DNMBP: variants seen among roughly 807,000 people sequenced by gnomAD.
The protein encoded by DNMBP is dynamin-binding protein.
A neutral mutation model predicts 150.0 loss-of-function variants in DNMBP; 87 were observed. That is an observed-to-expected ratio of 0.58 (90% CI 0.49 to 0.69). DNMBP has a LOEUF of 0.69. Among genes scored for constraint, DNMBP ranks in the 30% least tolerant of loss-of-function variants. The pLI is 0.00. For missense variants in DNMBP, 1,774 were observed against 1,949.0 expected (o/e 0.91, Z 1.69); for synonymous variants, 711 against 750.4 (o/e 0.95, Z 0.86).
intron 4 of DNMBP, among the ~76,000 whole-genome samples, chr10:99,941,177 A>AC (rs1466952044): frequency 6.6e-5 from 10 of 150,914 alleles, no homozygotes; most frequent in Non-Finnish European, 5.9e-5. Context: ...GAGCCACCGC[A>AC]CCTGGCGTCA....
Position 99,956,871 on chromosome 10 carries a change from C to G in DNMBP, c.603G>C (p.Leu201=). The G allele has an allele frequency of 6.2e-7, 1 of 1,614,210 alleles. No homozygotes were observed. The highest frequency in any genetic ancestry group is 8.5e-7 in the Non-Finnish European group (1 of 1,180,040). ...RGIFPEGFVE[L]LGPLRTVDES... ...CATCCACAGTCCTCAGGGGCCCCAACAGCTCTACAAAACCTTCTGGAAAAA... is the reference window on the plus strand; with the variant it reads ...CATCCACAGTCCTCAGGGGCCCCAAGAGCTCTACAAAACCTTCTGGAAAAA... The change falls in exon 4 of 17, where the codon CTG becomes CTC. Residue 201 remains leucine (L), a synonymous_variant. Coordinates refer to ENST00000324109, the MANE Select transcript of DNMBP (RefSeq NM_015221.4).
At chr10:99,951,533 C>T (rs544957006) in intron 4 of DNMBP, among the ~76,000 whole-genome samples, 39 of 152,310 alleles carry the variant, frequency 2.6e-4, no homozygotes, top group Non-Finnish European at 4.0e-4. Flanking sequence ...GGGGCAGAGC[C>T]GCCCAACACC....
chr10:99,970,018 A>G (rs762910256), intron 2 of DNMBP, among the ~76,000 whole-genome samples: 10 of 152,210 alleles, frequency 6.6e-5, no homozygotes, highest in Non-Finnish European at 1.2e-4. Flanking sequence ...CCCATGATCC[A>G]GCTTTTGCTC....
chr10:99,926,311 G>A (rs2040077832), intron 4 of DNMBP, among the ~76,000 whole-genome samples: 1 of 152,022 alleles, frequency 6.6e-6, no homozygotes, highest in African/African-American at 2.4e-5. Flanking sequence ...TAGAGATGTG[G>A]TCTCACTCTG....
chr10:99,902,703 G>A (rs1439923979), intron 6 of DNMBP, among the ~76,000 whole-genome samples: 5 of 151,360 alleles, frequency 3.3e-5, no homozygotes, highest in African/African-American at 7.3e-5. Flanking sequence ...CAAGGTGGGC[G>A]GATCCCCTGA....
intron 1 of DNMBP, among the ~76,000 whole-genome samples, chr10:99,997,888 A>G (rs890125741): frequency 1.5e-5 from 2 of 132,590 alleles, no homozygotes; most frequent in Admixed American, 1.7e-4. Flanking sequence ...AGATCACGCC[A>G]CTGCACTCTA....
chr10:99,877,428 T>G (rs956514485), intron 16 of DNMBP, 92 bp from the exon 17 acceptor site: 58 of 965,828 alleles, frequency 6.0e-5, no homozygotes, highest in Admixed American at 2.8e-4. Context: ...CACATCCACA[T>G]GCCCACATGT....
At chr10:99,967,533 CAAAT>C (rs1839627962) in intron 3 of DNMBP, among the ~76,000 whole-genome samples, 3 of 152,058 alleles carry the variant, frequency 2.0e-5, no homozygotes, top group South Asian at 2.1e-4. Flanking sequence ...AAAAAACAAA[CAAAT>C]AAATAAATAA....
intron 1 of DNMBP, among the ~76,000 whole-genome samples, chr10:99,983,967 G>A (rs547650409): frequency 1.3e-5 from 2 of 152,170 alleles, no homozygotes; most frequent in East Asian, 1.9e-4. Context: ...TAAACCACCC[G>A]AACACTTCTA....
In DNMBP at chr10:99,956,484, G is replaced by A. The variant is rs1316271492; in HGVS notation, c.990C>T (p.Asn330=). 1 of 1,613,980 alleles carries A rather than the reference G, an allele frequency of 6.2e-7. No individual in the cohort carries two copies. The highest frequency in any genetic ancestry group is 2.2e-5 in the East Asian group (1 of 44,890). Reference sequence around the variant, plus strand: ...GTCTTTGTTCCTCTACTCCTAAGGTGTTCTCCAAACAATCCAAAGAAGTTT... The same window carrying A: ...GTCTTTGTTCCTCTACTCCTAAGGTATTCTCCAAACAATCCAAAGAAGTTT... ...IPETSLDCLE[N]TLGVEEQRHE... Residue 330 remains asparagine (N), a synonymous_variant, in exon 4 of 17, where the codon AAC becomes AAT. Transcript: ENST00000324109.
intron 3 of DNMBP, among the ~76,000 whole-genome samples, chr10:99,964,104 C>T (rs1193257949): frequency 6.7e-6 from 1 of 150,260 alleles, no homozygotes; most frequent in Non-Finnish European, 1.5e-5. Flanking sequence ...TGTTTCTCTC[C>T]TCTCTGTCTT....
intron 4 of DNMBP, among the ~76,000 whole-genome samples, chr10:99,935,108 A>G (rs2040213218): frequency 6.6e-6 from 1 of 151,052 alleles, no homozygotes; most frequent in Non-Finnish European, 1.5e-5. Flanking sequence ...AAAAAAAAAA[A>G]AAAAAGAAAA....
rs774442127 is a variant in DNMBP at position 99,955,306 on chromosome 10, T to C, written c.2168A>G (p.Gln723Arg). ...GGTCTCTGCTCTTGATGATTCATCC[T>C]GCTTCTCCTCCAGCATGAGGTTTAG... ...EELNLMLEEK[Q>R]DESSRAETLE... The change falls in exon 4 of 17, where the codon CAG (glutamine) becomes CGG (arginine). Residue 723 changes from glutamine (Q) to arginine (R), a missense_variant. This residue lies in a region of DNMBP where 1,430 missense variants were observed against 1,492.5 expected (regional missense o/e 0.96). Transcript: ENST00000324109. 2 of 1,614,202 alleles carry C rather than the reference T, an allele frequency of 1.2e-6. No homozygotes were observed. Among genetic ancestry groups the C allele is most frequent in the Non-Finnish European group, 1.7e-6 (2 of 1,180,032 alleles).
rs969227378 is a variant in DNMBP at position 99,877,880 on chromosome 10, T to C, written c.4549-544A>G. On this transcript the variant is annotated intron_variant, in intron 16 of 16. Transcript: ENST00000324109. The stretch of plus-strand genomic sequence containing the variant: ...GACTCTGTCTTGGAACAAACACCAA[T>C]TTGGGAGGCTGAGGGCAGATCACTA... 1.0e-3 allele frequency among the ~76,000 whole-genome samples: 158 copies of C among 152,002 alleles called. 1 individual carries two copies. Among genetic ancestry groups the C allele is most frequent in the Non-Finnish European group, 1.2e-3 (80 of 67,954 alleles).
intron 4 of DNMBP, among the ~76,000 whole-genome samples, chr10:99,945,184 C>CA (rs1049187505): frequency 2.6e-5 from 4 of 151,730 alleles, no homozygotes; most frequent in South Asian, 2.1e-4. Flanking sequence ...ACAAAAAAAA[C>CA]AAAAAAAATC....
At chr10:99,964,001 G>C (rs976414021) in intron 3 of DNMBP, among the ~76,000 whole-genome samples, 64 of 152,226 alleles carry the variant, frequency 4.2e-4, no homozygotes, top group African/African-American at 1.5e-3. Flanking sequence ...CCTGTTGTTT[G>C]AGGGGGCAGG....
Position 99,909,096 on chromosome 10 carries a change from A to T in DNMBP, c.2311T>A (p.Ser771Thr), listed in dbSNP as rs1244674205. ...QSSSLVAPSG[S>T]VSAENPEQRM... The stretch of plus-strand genomic sequence containing the variant: ...TGCTCTGGATTTTCGGCAGACACAG[A>T]CCCAGAAGGGGCCACCAGTGATGAA... The change falls in exon 5 of 17, where the codon TCT (serine) becomes ACT (threonine). Residue 771 changes from serine to threonine, a missense_variant. Transcript: ENST00000324109. 4.3e-6 allele frequency: 7 copies of T among 1,614,032 alleles called. No individual in the cohort carries two copies. The highest frequency in any genetic ancestry group is 1.6e-4 in the Middle Eastern group (1 of 6,084).
chr10:99,983,675 G>A (rs560404481), intron 1 of DNMBP, among the ~76,000 whole-genome samples: 2 of 152,294 alleles, frequency 1.3e-5, no homozygotes, highest in African/African-American at 2.4e-5. Flanking sequence ...CTCACCACAC[G>A]GACTCTGGTT....
rs918408458 is a variant in DNMBP, at chr10:99,934,224, C to A, written c.2260+20990G>T. On this transcript the variant is annotated intron_variant, in intron 4 of 16. Transcript: ENST00000324109. Reference sequence around the variant, plus strand: ...GGTGCTGTATAGTATATAAAAATACCAGTGTCAGAATTCATGATGTAGACA... The same window carrying A: ...GGTGCTGTATAGTATATAAAAATACAAGTGTCAGAATTCATGATGTAGACA... 8.4e-4 allele frequency among the ~76,000 whole-genome samples: 128 copies of A among 152,168 alleles called. 1 individual carries two copies. Among genetic ancestry groups the A allele is most frequent in the African/African-American group, 1.6e-3 (68 of 41,480 alleles).
Sources: allele counts gnomAD v4.1 joint callset (sites outside exome capture counted in the v4.1 genomes callset), GRCh38; gene constraint gnomAD v4.1.1; regional missense constraint gnomAD v4.1.1; transcripts MANE v1.5; gene names NCBI Gene and HGNC (gene_info 2026-07-23, HGNC 2026-07-21).